The following RLF variants were observed in gnomAD, a reference collection of about 807,000 sequenced individuals.
RLF encodes the protein zinc finger protein Rlf.
A neutral mutation model predicts 162.9 loss-of-function variants in RLF; 7 were observed. The ratio of observed to expected loss-of-function variants is 0.04; its 90% CI spans 0.02 to 0.08. RLF has a LOEUF of 0.08. Ranked by LOEUF, RLF falls within the 10% of genes least tolerant of loss-of-function variation. RLF has a pLI of 1.00. For synonymous variants in RLF, 782 were observed against 791.5 expected, an observed-to-expected ratio of 0.99 and a Z score of 0.20; for missense variants, 1,664 against 2,244.7, an observed-to-expected ratio of 0.74 and a Z score of 5.23.
intron 3 of RLF, among the ~76,000 whole-genome samples, chr1:40,194,163 A>ATACCT (rs10645489): frequency 6.6e-6 from 1 of 151,788 alleles, no homozygotes; most frequent in Admixed American, 6.6e-5. Flanking sequence ...TGCTGAGTTA[A>ATACCT]TAGACTTTTC....
In RLF at chr1:40,239,907, A is replaced by G. The variant is rs757452237; in HGVS notation, c.5205A>G (p.Gln1735=). ...AAACTAGGCAGCATAGTTCAGGGCA[A>G]GAAAACACTGTAAAAAATCCAACCC... ...ESETRQHSSG[Q]ENTVKNPTHV... Residue 1735 remains glutamine, a synonymous_variant, in exon 8 of 8, where the codon CAA becomes CAG. Transcript: ENST00000372771. 6.2e-6 allele frequency: 10 copies of G among 1,613,760 alleles called. No homozygotes were observed. Among genetic ancestry groups the G allele is most frequent in the South Asian group, 5.5e-5 (5 of 91,082 alleles).
chr1:40,185,888 G>C (rs1274559296), intron 1 of RLF, among the ~76,000 whole-genome samples: 4 of 149,702 alleles, frequency 2.7e-5, no homozygotes, highest in South Asian at 2.1e-4. Context: ...GATGCGAGGT[G>C]GCTTTTGCCT....
intron 1 of RLF, among the ~76,000 whole-genome samples, chr1:40,170,485 T>C (rs1221614374): frequency 6.6e-6 from 1 of 152,202 alleles, no homozygotes; most frequent in Non-Finnish European, 1.5e-5. Context: ...GGTTTCAAAC[T>C]GCTGAGCTCA....
chr1:40,226,160 G>A (rs1643069581), intron 6 of RLF, among the ~76,000 whole-genome samples: 1 of 152,148 alleles, frequency 6.6e-6, no homozygotes, highest in African/African-American at 2.4e-5. Flanking sequence ...AAGTAAAAAT[G>A]TTTTAAACTT....
intron 4 of RLF, among the ~76,000 whole-genome samples, chr1:40,201,172 G>T (rs1426874837): frequency 6.8e-6 from 1 of 146,280 alleles, no homozygotes; most frequent in Non-Finnish European, 1.5e-5. Flanking sequence ...CTCCCTAGGT[G>T]ATCTAGGCAC....
intron 1 of RLF, among the ~76,000 whole-genome samples, chr1:40,185,300 T>C (rs1424006635): frequency 6.6e-6 from 1 of 151,104 alleles, no homozygotes; most frequent in Admixed American, 6.6e-5. Flanking sequence ...CCGGCTACTT[T>C]CTGTATTTTT....
rs1483418183 is a variant in RLF at position 40,161,816 on chromosome 1, C to G, written c.237+180C>G. On this transcript the variant is annotated intron_variant, in intron 1 of 7. Transcript: ENST00000372771. This position sits in a 1 kb window ranked among gnomAD's most constrained non-coding sequence, Gnocchi z 4.4. ...CCGCTGGCCCCCCTGCGCCACTGCC[C>G]GACTTTGGCCACCGCTGGGTCGTTT... Among the ~76,000 whole-genome samples the G allele has an allele frequency of 6.6e-6, 1 of 152,190 alleles. No homozygotes were observed. The highest frequency in any genetic ancestry group is 6.5e-5 in the Admixed American group (1 of 15,282).
intron 3 of RLF, 67 bp downstream of exon 3, chr1:40,190,920 C>CT (rs1049828031): frequency 3.6e-5 from 33 of 927,022 alleles, no homozygotes; most frequent in Middle Eastern, 4.4e-4. Context: ...TCCCAGCAAA[C>CT]TAAAATTGGA....
chr1:40,196,832 G>A (rs61780458), intron 4 of RLF, among the ~76,000 whole-genome samples: 7,932 of 152,208 alleles, frequency 0.052, 603 homozygotes, highest in African/African-American at 0.17. Context: ...AAAATTGTCA[G>A]TCGAAGACCA....
Position 40,162,655 on chromosome 1 carries a change from G to T in RLF, c.237+1019G>T, listed in dbSNP as rs141607039. Among the ~76,000 whole-genome samples, 128 of 152,260 alleles carry T rather than the reference G, an allele frequency of 8.4e-4. 1 individual carries two copies. Among genetic ancestry groups the T allele is most frequent in the African/African-American group, 2.6e-3 (110 of 41,552 alleles). ...GGGGGCAATTTGCTCTGTTGGTCCG[G>T]AGTAGAATAAAAGTTAGCTTGCTTG... On this transcript the variant is annotated intron_variant, in intron 1 of 7. Coordinates refer to ENST00000372771, the MANE Select transcript of RLF (RefSeq NM_012421.4).
At position 40,240,204 on chromosome 1, in the gene RLF, T is replaced by G; in HGVS notation, c.5502T>G (p.Ser1834=). The change falls in exon 8 of 8, where the codon TCT becomes TCG. Residue 1834 remains serine (S), a synonymous_variant. Coordinates refer to ENST00000372771, the MANE Select transcript of RLF (RefSeq NM_012421.4). ...EVDIPHSSSD[S]TIHENLTAIP... is the part of the protein sequence containing the mutation. ...ACATACCTCATTCTTCCAGTGACTC[T>G]ACAATTCATGAGAACCTGACTGCAA... is the stretch of plus-strand genomic sequence containing the variant. 1 of 1,614,200 alleles carries G rather than the reference T, an allele frequency of 6.2e-7. No individual in the cohort carries two copies. The highest frequency in any genetic ancestry group is 8.5e-7 in the Non-Finnish European group (1 of 1,180,026).
At chr1:40,173,598 C>G (rs1642277182) in intron 1 of RLF, among the ~76,000 whole-genome samples, 1 of 151,252 alleles carries the variant, frequency 6.6e-6, no homozygotes, top group African/African-American at 2.4e-5. Flanking sequence ...ACTGCAACCT[C>G]TGCTTCCTGG....
chr1:40,181,792 T>G (rs1302084360), intron 1 of RLF, among the ~76,000 whole-genome samples: 1 of 152,180 alleles, frequency 6.6e-6, no homozygotes, highest in Non-Finnish European at 1.5e-5. Flanking sequence ...GGAATGTACA[T>G]TGGAACAAAT....
chr1:40,173,023 G>C (rs1197550059), intron 1 of RLF, among the ~76,000 whole-genome samples: 1 of 151,216 alleles, frequency 6.6e-6, no homozygotes, highest in Non-Finnish European at 1.5e-5. Flanking sequence ...CAATCTGATA[G>C]GAAAGAATTA....
chr1:40,209,659 T>G (rs1311182294), intron 5 of RLF, among the ~76,000 whole-genome samples: 1 of 152,034 alleles, frequency 6.6e-6, no homozygotes, highest in Non-Finnish European at 1.5e-5. Flanking sequence ...GGGCAGATCA[T>G]GAGATCAGGA....
chr1:40,185,756 A>G (rs1293955608), intron 1 of RLF, among the ~76,000 whole-genome samples: 6 of 118,012 alleles, frequency 5.1e-5, no homozygotes, highest in Non-Finnish European at 9.9e-5. Context: ...TGAACCTGGG[A>G]GGTGGAGCTT....
In RLF at chr1:40,161,749, C is replaced by T. The variant is rs987101912; in HGVS notation, c.237+113C>T. The T allele has an allele frequency of 1.1e-5, 16 of 1,407,746 alleles. No individual in the cohort carries two copies. The highest frequency in any genetic ancestry group is 1.5e-5 in the African/African-American group (1 of 66,902). 87.2% of individuals were successfully genotyped at this position (1,407,746 alleles called of 1,614,324 possible). On this transcript the variant is annotated intron_variant, in intron 1 of 7. Transcript: ENST00000372771. The surrounding 1 kb of genome is among the most constrained non-coding windows in gnomAD (Gnocchi z 4.4). ...ACTGAAAGGCGCCACCTCCGTGACT[C>T]GCCGCGCCCCCGGGCCGGGAAGGCC...
intron 6 of RLF, among the ~76,000 whole-genome samples, chr1:40,224,059 A>C (rs1643030822): frequency 6.6e-6 from 1 of 152,234 alleles, no homozygotes; most frequent in African/African-American, 2.4e-5. Flanking sequence ...AAATTAAATC[A>C]TATATAGAAT....
At chr1:40,225,156 T>C (rs1225978799) in intron 6 of RLF, among the ~76,000 whole-genome samples, 1 of 152,154 alleles carries the variant, frequency 6.6e-6, no homozygotes, top group Non-Finnish European at 1.5e-5. Context: ...TTTTTAAATG[T>C]GACAATAAAG....
Sources: gnomAD v4.1 joint callset for allele counts (sites outside exome capture counted in the v4.1 genomes callset) on GRCh38, gnomAD v4.1.1 for gene constraint, Gnocchi (gnomAD v3.1) non-coding constraint, MANE v1.5 for transcripts, NCBI Gene and HGNC (gene_info 2026-07-23, HGNC 2026-07-21) for gene names.